The following ZSCAN5C variants were observed in gnomAD, a reference collection of about 807,000 sequenced individuals.
The protein encoded by ZSCAN5C is zinc finger and SCAN domain-containing protein 5C.
In ZSCAN5C, 11 loss-of-function variants were observed where a neutral mutation model predicts 17.3. The observed-to-expected ratio is 0.64, with a 90% CI of 0.40 to 1.06. The LOEUF (loss-of-function observed/expected upper bound fraction) is 1.06. Ranked by LOEUF, ZSCAN5C falls within the 50% of genes least tolerant of loss-of-function variation. The pLI is 0.00. For synonymous variants in ZSCAN5C, 229 were observed against 208.4 expected (o/e 1.10, Z -0.85); for missense variants, 698 against 538.9 (o/e 1.30, Z -2.92).
intron 1 of ZSCAN5C, among the ~76,000 whole-genome samples, chr19:56,202,869 A>G (rs2032885850): frequency 6.6e-6 from 1 of 151,984 alleles, no homozygotes; most frequent in Non-Finnish European, 1.5e-5. Context: ...CCACTTGTTA[A>G]AAAGCATCGC....
In ZSCAN5C at chr19:56,209,085, A is replaced by G. The variant is rs750880583; in HGVS notation, c.1376A>G (p.Gln459Arg). ...TACAAGGCAAATCTGAAGGAGCACC[A>G]GCGCATCCACTCTGGAGAGAAACCC... is the stretch of plus-strand genomic sequence containing the variant. The change falls in exon 5 of 5, where the codon CAG (glutamine) becomes CGG (arginine). Residue 459 changes from glutamine to arginine, a missense_variant. Coordinates refer to ENST00000534327, the Ensembl canonical transcript of ZSCAN5C. 7 of 1,596,390 alleles carry G rather than the reference A, an allele frequency of 4.4e-6. No individual in the cohort carries two copies. In the African/African-American group the frequency reaches 5.4e-5, roughly 12 times the overall value.
exon 5 of ZSCAN5C, chr19:56,209,102 G>C: frequency 1.3e-6 from 2 of 1,583,152 alleles, no homozygotes; most frequent in East Asian, 4.5e-5. Context: ...CCACTCTGGA[G>C]AGAAACCCCA....
chr19:56,205,515 G>T (rs1343606908), intron 1 of ZSCAN5C, among the ~76,000 whole-genome samples: 2 of 151,886 alleles, frequency 1.3e-5, no homozygotes, highest in Non-Finnish European at 2.9e-5. Context: ...TTTATTTACA[G>T]TCAAAAACAA....
At chr19:56,208,158 C>T in exon 4 of ZSCAN5C, 2 of 779,890 alleles carry the variant, frequency 2.6e-6, no homozygotes, top group East Asian at 2.4e-5. Context: ...CTTACATCCC[C>T]AGAGCCTCAG....
chr19:56,203,016 C>T (rs1054624940), intron 1 of ZSCAN5C, among the ~76,000 whole-genome samples: 17 of 152,116 alleles, frequency 1.1e-4, no homozygotes, highest in Non-Finnish European at 2.2e-4. Flanking sequence ...AATACTAACC[C>T]GCGTACCTGC....
chr19:56,205,509 T>C (rs1158309193), intron 1 of ZSCAN5C, among the ~76,000 whole-genome samples: 2 of 151,974 alleles, frequency 1.3e-5, no homozygotes, highest in Non-Finnish European at 2.9e-5. Context: ...TCCTATTTTA[T>C]TTACAGTCAA....
chr19:56,205,808 C>T, exon 2 of ZSCAN5C: 1 of 605,696 alleles, frequency 1.7e-6, no homozygotes, highest in Non-Finnish European at 2.9e-6. Context: ...AACAGTGAAT[C>T]TATTACTGAG....
exon 2 of ZSCAN5C, chr19:56,206,168 C>T (rs1026054050): frequency 6.2e-7 from 1 of 1,601,462 alleles, no homozygotes; most frequent in Non-Finnish European, 8.5e-7. Flanking sequence ...AGATCCTGGA[C>T]ATGCTGGTGA....
At chr19:56,208,720 C>T (rs764732713) in exon 5 of ZSCAN5C, 5 of 1,612,322 alleles carry the variant, frequency 3.1e-6, no homozygotes, top group Non-Finnish European at 4.2e-6. Flanking sequence ...ATTCCCCAGG[C>T]CCTGCGGGCC....
downstream of ZSCAN5C, chr19:56,209,210 C>G (rs1299203161): frequency 1.4e-6 from 1 of 723,248 alleles, no homozygotes; most frequent in African/African-American, 1.8e-5. Flanking sequence ...ACTTCACCAT[C>G]GGGTCTGTCT....
chr19:56,207,250 G>A, exon 3 of ZSCAN5C: 1 of 777,044 alleles, frequency 1.3e-6, no homozygotes, highest in South Asian at 1.4e-5. Flanking sequence ...TCCCTGCACT[G>A]TTCAGGAGGC....
intron 1 of ZSCAN5C, among the ~76,000 whole-genome samples, chr19:56,205,324 G>A (rs1296948484): frequency 1.3e-5 from 2 of 151,830 alleles, no homozygotes; most frequent in African/African-American, 4.9e-5. Context: ...TCTCTGGAGC[G>A]AATAATTCTG....
chr19:56,204,558 T>C (rs1186870974), intron 1 of ZSCAN5C, among the ~76,000 whole-genome samples: 2 of 151,372 alleles, frequency 1.3e-5, no homozygotes, highest in Admixed American at 1.3e-4. Context: ...TGGGTTGTTT[T>C]CTCGCTCTGG....
intron 4 of ZSCAN5C, 93 bp downstream of exon 4, chr19:56,208,277 G>T: frequency 1.5e-6 from 1 of 659,452 alleles, no homozygotes; most frequent in East Asian, 2.6e-5. Context: ...GGGGGAGTTG[G>T]CACTCAGCTG....
exon 5 of ZSCAN5C, chr19:56,208,597 T>C (rs1312261324): frequency 1.3e-6 from 2 of 1,598,878 alleles, no homozygotes; most frequent in Non-Finnish European, 1.7e-6. Flanking sequence ...ATCTGAGAGG[T>C]CTCAAAAGAA....
At chr19:56,205,971 T>C in exon 2 of ZSCAN5C, 1 of 1,528,810 alleles carries the variant, frequency 6.5e-7, no homozygotes, top group Non-Finnish European at 9.1e-7. Flanking sequence ...CAGCCCTGGG[T>C]CAGAGCCACC....
intron 1 of ZSCAN5C, among the ~76,000 whole-genome samples, chr19:56,204,045 T>A (rs986353542): frequency 4.6e-5 from 7 of 151,944 alleles, no homozygotes; most frequent in African/African-American, 1.7e-4. Context: ...ATTTGGGGTG[T>A]ACCTGTGCAG....
intron 2 of ZSCAN5C, among the ~76,000 whole-genome samples, 164 bp downstream of exon 2, chr19:56,206,461 T>C (rs1281461111): frequency 6.6e-6 from 1 of 151,888 alleles, no homozygotes; most frequent in African/African-American, 2.4e-5. Context: ...GGACAGTTTT[T>C]ATTGTCACAA....
Position 56,206,025 on chromosome 19 carries a change from A to C in ZSCAN5C, c.112A>C (p.Ser38Arg), listed in dbSNP as rs556401107. 1.1e-5 allele frequency: 17 copies of C among 1,611,524 alleles called. No homozygotes were observed. The Admixed American group carries it at 2.8e-4, about 27-fold the overall frequency. Residue 38 changes from serine (S) to arginine (R), a missense_variant, in exon 2 of 5, where the codon AGT (serine) becomes CGT (arginine). Ser to Arg is a moderately radical substitution (Grantham distance 110). This residue lies in a region of ZSCAN5C where 100 missense variants were observed against 74.6 expected (regional missense o/e 1.34). Coordinates refer to ENST00000534327, the Ensembl canonical transcript of ZSCAN5C. ...AGCAACTCAACTTGGAAATCATGACAGTGATCCTGAGACTTGTCACGTGAA... is the reference window on the plus strand; with the variant it reads ...AGCAACTCAACTTGGAAATCATGACCGTGATCCTGAGACTTGTCACGTGAA...
Sources: gnomAD v4.1 joint callset for allele counts (sites outside exome capture counted in the v4.1 genomes callset) on GRCh38, gnomAD v4.1.1 for gene constraint, gnomAD v4.1.1 regional missense constraint, MANE v1.5 for transcripts, NCBI Gene and HGNC (gene_info 2026-07-23, HGNC 2026-07-21) for gene names.